The following FIG4 variants were observed in gnomAD, a reference collection of about 807,000 sequenced individuals.
FIG4 encodes the protein FIG4 phosphoinositide 5-phosphatase, also known as polyphosphoinositide phosphatase.
FIG4 carries 112 observed loss-of-function variants against 118.6 expected under a neutral mutation model. That is an observed-to-expected ratio of 0.94 (90% confidence interval 0.81 to 1.11). The LOEUF (loss-of-function observed/expected upper bound fraction) is 1.11. FIG4 is among the 50% of genes least tolerant of loss of function. FIG4 has a pLI of 0.00. For synonymous variants in FIG4, 369 were observed against 381.2 expected, an observed-to-expected ratio of 0.97 and a Z score of 0.37; for missense variants, 969 against 1,111.7, an observed-to-expected ratio of 0.87 and a Z score of 1.83.
intron 17 of FIG4, 120 bp downstream of exon 17, chr6:109,785,148 T>C (rs1477106064): frequency 4.1e-6 from 3 of 729,800 alleles, no homozygotes; most frequent in Non-Finnish European, 7.6e-6. Flanking sequence ...GAATGGCTGT[T>C]CAGTATTATG....
chr6:109,758,171 C>A (rs2128390500), intron 10 of FIG4, among the ~76,000 whole-genome samples: 1 of 152,292 alleles, frequency 6.6e-6, no homozygotes, highest in South Asian at 2.1e-4. Flanking sequence ...GCAAAAAGAA[C>A]AAAGCTGTAG....
intron 1 of FIG4, among the ~76,000 whole-genome samples, chr6:109,701,998 C>G (rs939293498): frequency 3.7e-4 from 57 of 152,320 alleles, no homozygotes; most frequent in African/African-American, 2.4e-4. Context: ...CTCACTTCCC[C>G]CTTCTGGGCG....
intron 10 of FIG4, among the ~76,000 whole-genome samples, chr6:109,744,230 A>G (rs1041609221): frequency 9.9e-5 from 15 of 152,098 alleles, no homozygotes; most frequent in Non-Finnish European, 1.2e-4. Context: ...AAACTGGGGT[A>G]CTGTTGTGAC....
At chr6:109,696,968 A>G (rs1774741497) in intron 1 of FIG4, among the ~76,000 whole-genome samples, 1 of 152,200 alleles carries the variant, frequency 6.6e-6, no homozygotes, top group Non-Finnish European at 1.5e-5. Flanking sequence ...ATCATTACAC[A>G]GTGTACGCAT....
Position 109,741,497 on chromosome 6 carries a change from A to T in FIG4, c.829A>T (p.Ser277Cys), listed in dbSNP as rs892208077. 6.2e-6 allele frequency: 10 copies of T among 1,613,362 alleles called. No individual in the cohort carries two copies. The African/African-American group carries it at 1.3e-4, about 22-fold the overall frequency. ...VYVTLIARRSSKFAGTRFLKR... is the reference protein window; with the variant it reads ...VYVTLIARRSCKFAGTRFLKR... ...TGTCACTCTAATAGCTAGAAGATCC[A>T]GTAAATTTGCTGGCACCCGTTTTCT... The change falls in exon 8 of 23, where the codon AGT becomes TGT. Residue 277 changes from serine (S) to cysteine (C), a missense_variant. By Grantham distance (112) the Ser-to-Cys change is moderately radical. Transcript: ENST00000230124.
chr6:109,763,480 A>G (rs1204087767), intron 12 of FIG4, among the ~76,000 whole-genome samples: 2 of 152,232 alleles, frequency 1.3e-5, no homozygotes, highest in African/African-American at 4.8e-5. Context: ...AATCTACAAA[A>G]CCAACCAAAG....
intron 8 of FIG4, among the ~76,000 whole-genome samples, chr6:109,742,271 G>A (rs185036170): frequency 5.3e-5 from 8 of 152,112 alleles, no homozygotes; most frequent in African/African-American, 1.9e-4. Flanking sequence ...GTGGAGCAAG[G>A]TTCAGGAAAC....
In FIG4 at chr6:109,825,223, C is replaced by T; in HGVS notation, c.2682C>T (p.Asp894=). The T allele has an allele frequency of 6.2e-7, 1 of 1,614,128 alleles. No homozygotes were observed. The highest frequency in any genetic ancestry group is 8.5e-7 in the Non-Finnish European group (1 of 1,179,988). The stretch of plus-strand genomic sequence containing the variant: ...TCATGCAGCCCCTAGGAAAAGAGGA[C>T]TCCTCCATGTACCGAGAGTACATCA... ...QGIMQPLGKE[D]SSMYREYIRN... The change falls in exon 23 of 23, where the codon GAC becomes GAT. Residue 894 remains aspartate, a synonymous_variant. Transcript: ENST00000230124.
At chr6:109,818,661 C>T (rs1032674545) in intron 22 of FIG4, among the ~76,000 whole-genome samples, 2 of 152,116 alleles carry the variant, frequency 1.3e-5, no homozygotes, top group Non-Finnish European at 2.9e-5. Context: ...CAGTTTCCAG[C>T]GTCCATTGGG....
At chr6:109,741,696 G>C (rs1331482498) in intron 8 of FIG4, 152 bp downstream of exon 8, 1 of 689,596 alleles carries the variant, frequency 1.5e-6, no homozygotes, top group Non-Finnish European at 2.6e-6. Context: ...ACAAGGGATT[G>C]GTTCTAGGAA....
At chr6:109,807,114 G>A (rs1301163199) in intron 22 of FIG4, among the ~76,000 whole-genome samples, 3 of 152,088 alleles carry the variant, frequency 2.0e-5, no homozygotes, top group Non-Finnish European at 4.4e-5. Flanking sequence ...TAATCCTTTG[G>A]GTACATACCC....
chr6:109,713,597 C>T (rs1004358920), intron 1 of FIG4, among the ~76,000 whole-genome samples: 5 of 152,116 alleles, frequency 3.3e-5, no homozygotes, highest in Non-Finnish European at 7.4e-5. Flanking sequence ...GGATTGCACC[C>T]CCAACTGCAG....
chr6:109,820,882 TGCATGATA>T (rs1778987047), intron 22 of FIG4, among the ~76,000 whole-genome samples: 1 of 152,130 alleles, frequency 6.6e-6, no homozygotes, highest in Admixed American at 6.5e-5. Flanking sequence ...CATAAAGACC[TGCATGATA>T]GCAGTGTGTG....
At chr6:109,721,206 G>GA (rs1344471411) in intron 3 of FIG4, among the ~76,000 whole-genome samples, 1 of 152,132 alleles carries the variant, frequency 6.6e-6, no homozygotes, top group Non-Finnish European at 1.5e-5. Flanking sequence ...AGATAACAGT[G>GA]AAAACACCAA....
At chr6:109,784,065 G>A (rs574189341) in intron 16 of FIG4, among the ~76,000 whole-genome samples, 50 of 152,082 alleles carry the variant, frequency 3.3e-4, no homozygotes, top group African/African-American at 1.2e-3. Context: ...TGTAATTTCA[G>A]CTTTATATTT....
At chr6:109,781,602 G>A (rs1321941205) in intron 16 of FIG4, among the ~76,000 whole-genome samples, 1 of 151,394 alleles carries the variant, frequency 6.6e-6, no homozygotes, top group Admixed American at 6.6e-5. Context: ...ATCACAGTGT[G>A]CATTCTCCAA....
chr6:109,709,581 T>C (rs1224024100), intron 1 of FIG4, among the ~76,000 whole-genome samples: 1 of 152,244 alleles, frequency 6.6e-6, no homozygotes, highest in Admixed American at 6.5e-5. Context: ...ATATTGATTC[T>C]TCCTATCCAT....
At chr6:109,808,586 GT>G (rs1297114198) in intron 22 of FIG4, among the ~76,000 whole-genome samples, 2 of 152,122 alleles carry the variant, frequency 1.3e-5, no homozygotes, top group Admixed American at 1.3e-4. Context: ...TGTCTAAGTT[GT>G]GAGCTAACTC....
intron 15 of FIG4, among the ~76,000 whole-genome samples, chr6:109,773,082 C>T (rs1381757140): frequency 6.6e-6 from 1 of 152,186 alleles, no homozygotes; most frequent in African/African-American, 2.4e-5. Context: ...CTAGAGGCTG[C>T]TGCATTTCTT....
Sources: gnomAD v4.1 joint callset for allele counts (sites outside exome capture counted in the v4.1 genomes callset) on GRCh38, gnomAD v4.1.1 for gene constraint, MANE v1.5 for transcripts, NCBI Gene and HGNC (gene_info 2026-07-23, HGNC 2026-07-21) for gene names.